Variants in VSNL1 observed in about 807,000 individuals in gnomAD.
The protein encoded by VSNL1 is visinin like 1.
In VSNL1, 6 loss-of-function variants were observed where a neutral mutation model predicts 20.4. That is an observed-to-expected ratio of 0.29 (90% confidence interval 0.16 to 0.58). The LOEUF (loss-of-function observed/expected upper bound fraction) is 0.58. Among genes scored for constraint, VSNL1 ranks in the 20% least tolerant of loss-of-function variants. The pLI, the probability that VSNL1 is intolerant of heterozygous loss-of-function variation, is 0.90. For missense variants in VSNL1, 100 were observed against 234.5 expected (o/e 0.43, Z 3.75); for synonymous variants, 93 against 86.4 (o/e 1.08, Z -0.42).
chr2:17,597,017 G>A lies in VSNL1; in HGVS notation c.162+4781G>A, dbSNP rs1410959456. Among the ~76,000 whole-genome samples the A allele has an allele frequency of 4.6e-5, 7 of 152,296 alleles. No individual in the cohort carries two copies. In the South Asian group the frequency reaches 6.2e-4, roughly 14 times the overall value. On this transcript the variant is annotated intron_variant, in intron 2 of 3. Transcript: ENST00000295156. ...AAATAAGTTTCATTTCACAGGCCAC[G>A]TACGATGGCAGCACCAAATGGTGCA...
intron 2 of VSNL1, among the ~76,000 whole-genome samples, chr2:17,603,762 C>A (rs1664884254): frequency 6.6e-6 from 1 of 152,170 alleles, no homozygotes; most frequent in African/African-American, 2.4e-5. Context: ...AATGGAAATT[C>A]TGGTGGCCTG....
chr2:17,550,128 G>A (rs1031148960), intron 1 of VSNL1, among the ~76,000 whole-genome samples: 5 of 152,090 alleles, frequency 3.3e-5, no homozygotes, highest in Non-Finnish European at 5.9e-5. Flanking sequence ...AAAATTTATT[G>A]TTCATATCAT....
chr2:17,653,819 C>T (rs150138659), intron 3 of VSNL1, among the ~76,000 whole-genome samples: 78 of 152,270 alleles, frequency 5.1e-4, no homozygotes, highest in Non-Finnish European at 1.0e-3. Context: ...AGATATGCAA[C>T]CATCACCATA....
rs1307583697 is a variant in VSNL1, at chr2:17,656,842, T to G, written c.*1448T>G. 6.6e-6 allele frequency: 1 copy of G among 152,226 alleles called. No homozygotes were observed. Among genetic ancestry groups the G allele is most frequent in the Non-Finnish European group, 1.5e-5 (1 of 68,034 alleles). 9.4% of individuals were successfully genotyped at this position (152,226 alleles called of 1,614,324 possible). ...TGGCTAGCGTGACTAAGGAACTGAA[T>G]TTTATACTGTAATTAAGTGTAATTT... On this transcript the variant is annotated 3_prime_UTR_variant, in exon 4 of 4. Transcript: ENST00000295156.
intron 1 of VSNL1, among the ~76,000 whole-genome samples, chr2:17,545,051 G>A (rs938939553): frequency 4.6e-5 from 7 of 151,892 alleles, no homozygotes; most frequent in African/African-American, 1.7e-4. Context: ...TTCGTTGTCT[G>A]GAAAAGCAAT....
At chr2:17,564,642 A>G (rs1452233181) in intron 1 of VSNL1, among the ~76,000 whole-genome samples, 2 of 152,206 alleles carry the variant, frequency 1.3e-5, no homozygotes, top group Admixed American at 1.3e-4. Context: ...TTTGTGTTAA[A>G]CGGCTGTGCC....
rs116358691 is a variant in VSNL1, at chr2:17,649,933, G to A, written c.378+308G>A. On this transcript the variant is annotated intron_variant, in intron 3 of 3. Transcript: ENST00000295156. The surrounding 1 kb of genome is among the most constrained non-coding windows in gnomAD (Gnocchi z 6.4). ...ATGGGCTGTTTCTCTGGCACTTGGT[G>A]TATCTCTGCTCTGCCTCACTCCAGC... 4.4e-3 allele frequency among the ~76,000 whole-genome samples: 664 copies of A among 152,318 alleles called. 8 individuals are homozygous for A. Among genetic ancestry groups the A allele is most frequent in the African/African-American group, 0.015 (638 of 41,576 alleles).
intron 2 of VSNL1, among the ~76,000 whole-genome samples, chr2:17,603,971 C>T (rs942291699): frequency 3.9e-5 from 6 of 152,164 alleles, no homozygotes; most frequent in African/African-American, 1.4e-4. Context: ...GTGTACAGTA[C>T]TAGACTCAAC....
At chr2:17,628,794 T>C (rs879287747) in intron 2 of VSNL1, among the ~76,000 whole-genome samples, 4 of 152,202 alleles carry the variant, frequency 2.6e-5, no homozygotes, top group Non-Finnish European at 5.9e-5. Context: ...GCCTGTTCTG[T>C]AGCCCCTGCT....
intron 1 of VSNL1, among the ~76,000 whole-genome samples, chr2:17,555,640 G>T (rs1663659838): frequency 6.6e-6 from 1 of 152,092 alleles, no homozygotes; most frequent in Admixed American, 6.5e-5. Context: ...CTTTAAAACA[G>T]AATTCACTCA....
intron 2 of VSNL1, among the ~76,000 whole-genome samples, chr2:17,617,664 G>A (rs1390953061): frequency 6.6e-6 from 1 of 152,092 alleles, no homozygotes; most frequent in Non-Finnish European, 1.5e-5. Flanking sequence ...AGGGTGTGGT[G>A]CTGCCGAGAG....
intron 1 of VSNL1, among the ~76,000 whole-genome samples, chr2:17,553,389 A>G (rs1183588765): frequency 6.6e-6 from 1 of 152,214 alleles, no homozygotes; most frequent in African/African-American, 2.4e-5. Context: ...TTAACTTCAT[A>G]CCGATTAAAA....
chr2:17,639,792 C>A (rs555287177), intron 2 of VSNL1, among the ~76,000 whole-genome samples: 1 of 152,292 alleles, frequency 6.6e-6, no homozygotes, highest in South Asian at 2.1e-4. Context: ...CAGGGTCATC[C>A]AAAGAAGGGA....
intron 2 of VSNL1, among the ~76,000 whole-genome samples, chr2:17,627,463 A>G (rs1323240496): frequency 1.3e-5 from 2 of 152,222 alleles, no homozygotes; most frequent in Non-Finnish European, 2.9e-5. Flanking sequence ...TATGCAGGAG[A>G]TGAGTTTTAT....
chr2:17,651,615 A>T (rs1572225376), intron 3 of VSNL1, among the ~76,000 whole-genome samples: 1 of 152,142 alleles, frequency 6.6e-6, no homozygotes, highest in African/African-American at 2.4e-5. Context: ...TTGGTGTGAG[A>T]CCTGACTGTG....
chr2:17,542,221 G>A (rs980950662), intron 1 of VSNL1, among the ~76,000 whole-genome samples: 18 of 152,050 alleles, frequency 1.2e-4, no homozygotes, highest in Non-Finnish European at 5.9e-5. Flanking sequence ...GTGTGTGGTG[G>A]GGGGGAGTAG....
chr2:17,636,623 C>G (rs920132987), intron 2 of VSNL1, among the ~76,000 whole-genome samples: 2 of 152,186 alleles, frequency 1.3e-5, no homozygotes, highest in African/African-American at 4.8e-5. Flanking sequence ...AGTCAAATAT[C>G]TCACTGATAA....
intron 2 of VSNL1, among the ~76,000 whole-genome samples, chr2:17,625,301 G>A (rs1665483718): frequency 6.6e-6 from 1 of 152,216 alleles, no homozygotes. Flanking sequence ...GACTAATACA[G>A]GGCTCAGTTC....
In VSNL1 at chr2:17,649,637, G is replaced by C. The variant is rs1464399517; in HGVS notation, c.378+12G>C. On this transcript the variant is annotated intron_variant, in intron 3 of 3. Transcript: ENST00000295156. This position sits in a 1 kb window ranked among gnomAD's most constrained non-coding sequence, Gnocchi z 6.4. Reference sequence around the variant, plus strand: ...TGGAGATCATCGAGGTGAGGCCCGGGGTGTGGTTGGCGGGTGGTGGGCACA... The same window carrying C: ...TGGAGATCATCGAGGTGAGGCCCGGCGTGTGGTTGGCGGGTGGTGGGCACA... 6.2e-7 allele frequency: 1 copy of C among 1,613,526 alleles called. No individual in the cohort carries two copies. Among genetic ancestry groups the C allele is most frequent in the African/African-American group, 1.3e-5 (1 of 74,882 alleles).
Sources: allele counts gnomAD v4.1 joint callset (sites outside exome capture counted in the v4.1 genomes callset), GRCh38; gene constraint gnomAD v4.1.1; non-coding constraint Gnocchi (gnomAD v3.1); transcripts MANE v1.5; gene names NCBI Gene and HGNC (gene_info 2026-07-23, HGNC 2026-07-21).